Variants in RBFOX3 observed in about 807,000 individuals in gnomAD.
RBFOX3 encodes RNA binding fox-1 homolog 3.
In RBFOX3, 17 loss-of-function variants were observed where a neutral mutation model predicts 48.7. The observed-to-expected ratio is 0.35, with a 90% CI of 0.24 to 0.52. The LOEUF is 0.52. Ranked by LOEUF, RBFOX3 falls within the 20% of genes least tolerant of loss-of-function variation. The probability of loss-of-function intolerance (pLI) is 0.94; values close to 1 mark genes in which losing one functional copy is unlikely to be tolerated. For missense variants in RBFOX3, 382 were observed against 497.5 expected (o/e 0.77, Z 2.21); for synonymous variants, 212 against 209.5 (o/e 1.01, Z -0.10).
At chr17:79,402,526 G>A (rs2062940400) in intron 2 of RBFOX3, among the ~76,000 whole-genome samples, 2 of 152,230 alleles carry the variant, frequency 1.3e-5, no homozygotes, top group African/African-American at 4.8e-5. Flanking sequence ...GGCTCCCGCT[G>A]GAGTGAGCGC....
At chr17:79,104,584 C>A (rs2077030594) in intron 6 of RBFOX3, among the ~76,000 whole-genome samples, 1 of 152,200 alleles carries the variant, frequency 6.6e-6, no homozygotes, top group South Asian at 2.1e-4. Flanking sequence ...GACTGCCCCA[C>A]CCCTAATTCA....
intron 1 of RBFOX3, among the ~76,000 whole-genome samples, chr17:79,573,696 A>C (rs1599191587): frequency 2.0e-5 from 3 of 149,350 alleles, no homozygotes; most frequent in East Asian, 2.0e-4. Context: ...GTGTTCAAAA[A>C]CCTCCCCTTC....
At chr17:79,395,348 G>A (rs907363349) in intron 2 of RBFOX3, among the ~76,000 whole-genome samples, 1 of 152,198 alleles carries the variant, frequency 6.6e-6, no homozygotes, top group Non-Finnish European at 1.5e-5. Context: ...GCACAGTGGA[G>A]CCAACCACCG....
chr17:79,521,447 CAG>C (rs2086085152), intron 1 of RBFOX3, among the ~76,000 whole-genome samples: 2 of 138,618 alleles, frequency 1.4e-5, no homozygotes, highest in Admixed American at 7.0e-5. Flanking sequence ...CACATAGGCA[CAG>C]ACACATACAC....
intron 1 of RBFOX3, among the ~76,000 whole-genome samples, chr17:79,527,042 C>G (rs1427555869): frequency 6.6e-6 from 1 of 152,190 alleles, no homozygotes; most frequent in Non-Finnish European, 1.5e-5. Context: ...CCTCTGCCCC[C>G]ACCCTGGGCA....
chr17:79,143,109 A>C (rs951350935), intron 4 of RBFOX3, among the ~76,000 whole-genome samples: 2 of 152,118 alleles, frequency 1.3e-5, no homozygotes, highest in African/African-American at 2.4e-5. Context: ...TAACAGTAAG[A>C]AGGGTGGGAC....
rs767987993 is a variant in RBFOX3 at position 79,106,632 on chromosome 17, T to G, written c.360+19A>C. 15 of 1,439,120 alleles carry G rather than the reference T, an allele frequency of 1.0e-5. 2 individuals are homozygous for G. In the South Asian group the frequency reaches 2.3e-4, roughly 22 times the overall value. The allele number at this position is 1,439,120 out of a possible 1,614,324, so 89.1% of individuals were successfully genotyped here. A position where few individuals can be genotyped will look rare whatever the true frequency, so the allele number is the denominator to read the frequency against. ...GGGCAGGTGTGGAGGGCAGGATGGG[T>G]GGGGCCGCGCACACTCACCCCGAAC... On this transcript the variant is annotated intron_variant, in intron 6 of 14. Transcript: ENST00000693108.
chr17:79,438,087 C>T (rs182439228), intron 2 of RBFOX3, among the ~76,000 whole-genome samples: 2 of 103,480 alleles, frequency 1.9e-5, no homozygotes, highest in Admixed American at 2.3e-4. Context: ...TACATGCACA[C>T]ACACAGGTGC....
chr17:79,620,459 ACACATG>A, the RBFOX3 span, among the ~76,000 whole-genome samples: 5 of 146,276 alleles, frequency 3.4e-5, no homozygotes, highest in Admixed American at 6.8e-5. Flanking sequence ...ACATGCGCAC[ACACATG>A]CACACGTGCA....
intron 1 of RBFOX3, among the ~76,000 whole-genome samples, chr17:79,514,212 C>A (rs2084926864): frequency 6.6e-6 from 1 of 152,178 alleles, no homozygotes; most frequent in Non-Finnish European, 1.5e-5. Context: ...GGATTCTGCT[C>A]ACCTCCCAGC....
intron 2 of RBFOX3, among the ~76,000 whole-genome samples, chr17:79,370,973 G>T (rs1288590835): frequency 6.7e-6 from 1 of 149,132 alleles, no homozygotes; most frequent in Non-Finnish European, 1.5e-5. Flanking sequence ...TTGTGACTGG[G>T]AAGGCACCTT....
chr17:79,385,154 T>C (rs531426939), intron 2 of RBFOX3, among the ~76,000 whole-genome samples: 2 of 151,990 alleles, frequency 1.3e-5, no homozygotes, highest in South Asian at 4.2e-4. Flanking sequence ...ACACCTAACG[T>C]GCATGGGAAA....
intron 10 of RBFOX3, 30 bp downstream of exon 10, chr17:79,097,662 A>T: frequency 7.0e-7 from 1 of 1,424,528 alleles, no homozygotes; most frequent in Non-Finnish European, 9.4e-7. Context: ...AGCTGGTCTC[A>T]TCCCATCCCC....
At chr17:79,476,999 T>G (rs532359586) in intron 2 of RBFOX3, among the ~76,000 whole-genome samples, 23 of 149,372 alleles carry the variant, frequency 1.5e-4, no homozygotes, top group East Asian at 1.4e-3. Flanking sequence ...TTGGGAGGCC[T>G]AGGTGGGTGG....
intron 2 of RBFOX3, among the ~76,000 whole-genome samples, chr17:79,373,861 T>C (rs561272103): frequency 2.5e-4 from 38 of 150,754 alleles, no homozygotes; most frequent in African/African-American, 9.2e-4. Flanking sequence ...CTTTTTTTGT[T>C]TTTGTTTTTG....
the RBFOX3 span, among the ~76,000 whole-genome samples, chr17:79,655,325 C>T: frequency 6.6e-6 from 1 of 152,176 alleles, no homozygotes; most frequent in African/African-American, 2.4e-5. Context: ...GACCAGGTGA[C>T]CTTGAGGCTG....
At chr17:79,404,622 C>G (rs1258416487) in intron 2 of RBFOX3, among the ~76,000 whole-genome samples, 1 of 151,966 alleles carries the variant, frequency 6.6e-6, no homozygotes, top group Non-Finnish European at 1.5e-5. Context: ...TCCTGTCCCT[C>G]CCCTCCCATT....
chr17:79,137,482 C>T (rs539160031), intron 4 of RBFOX3, among the ~76,000 whole-genome samples: 1 of 152,348 alleles, frequency 6.6e-6, no homozygotes, highest in Non-Finnish European at 1.5e-5. Flanking sequence ...TCCACACACA[C>T]GCGCCTGCAG....
chr17:79,397,772 G>A (rs2062215024), intron 2 of RBFOX3, among the ~76,000 whole-genome samples: 1 of 152,116 alleles, frequency 6.6e-6, no homozygotes, highest in Non-Finnish European at 1.5e-5. Flanking sequence ...AGGACGTCGG[G>A]GAACCCTCTG....
Sources: allele counts gnomAD v4.1 joint callset (sites outside exome capture counted in the v4.1 genomes callset), GRCh38; gene constraint gnomAD v4.1.1; transcripts MANE v1.5; gene names NCBI Gene and HGNC (gene_info 2026-07-23, HGNC 2026-07-21).